Variants in MEGF10 observed in about 807,000 individuals in gnomAD.
The protein encoded by MEGF10 is multiple EGF like domains 10.
A neutral mutation model predicts 147.5 loss-of-function variants in MEGF10; 86 were observed. The ratio of observed to expected loss-of-function variants is 0.58; its 90% CI spans 0.49 to 0.70. The LOEUF is 0.70. MEGF10 is among the 30% of genes least tolerant of loss of function. The pLI, the probability that MEGF10 is intolerant of heterozygous loss-of-function variation, is 0.00. For synonymous variants in MEGF10, 478 were observed against 525.5 expected, an observed-to-expected ratio of 0.91 and a Z score of 1.24; for missense variants, 1,329 against 1,487.3, an observed-to-expected ratio of 0.89 and a Z score of 1.75.
intron 5 of MEGF10, among the ~76,000 whole-genome samples, chr5:127,372,075 A>G (rs1297772005): frequency 3.3e-5 from 5 of 152,218 alleles, no homozygotes; most frequent in African/African-American, 1.2e-4. Context: ...TAATTCTGGA[A>G]CCAAAATCTA....
the MEGF10 span, among the ~76,000 whole-genome samples, chr5:127,247,288 G>C: frequency 8.6e-6 from 1 of 116,012 alleles, no homozygotes; most frequent in African/African-American, 3.1e-5. Flanking sequence ...TGTGGTTGGG[G>C]GGTGGGGGAG....
the MEGF10 span, among the ~76,000 whole-genome samples, chr5:127,234,731 TG>T: frequency 3.9e-5 from 6 of 152,242 alleles, no homozygotes; most frequent in Non-Finnish European, 1.5e-5. Flanking sequence ...GCCAGTTCTT[TG>T]TTAAGTGTCT....
At chr5:127,301,623 G>A (rs778480893) in intron 1 of MEGF10, among the ~76,000 whole-genome samples, 3 of 152,146 alleles carry the variant, frequency 2.0e-5, no homozygotes, top group African/African-American at 4.8e-5. Flanking sequence ...ATGACAAACT[G>A]GGCTGGAATC....
intron 24 of MEGF10, among the ~76,000 whole-genome samples, chr5:127,456,247 A>T (rs560066726): frequency 1.8e-4 from 27 of 152,340 alleles, no homozygotes; most frequent in Non-Finnish European, 3.4e-4. Context: ...GAAACATTTT[A>T]CTTTTAAACT....
At chr5:127,307,337 G>C (rs1397918858) in intron 1 of MEGF10, among the ~76,000 whole-genome samples, 5 of 152,330 alleles carry the variant, frequency 3.3e-5, no homozygotes. Context: ...TGTCTGGGCT[G>C]TTGGGGTGCA....
chr5:127,453,130 C>T (rs1766220043), intron 22 of MEGF10, among the ~76,000 whole-genome samples: 1 of 152,210 alleles, frequency 6.6e-6, no homozygotes, highest in Non-Finnish European at 1.5e-5. Flanking sequence ...GATATCGTTT[C>T]CTTAACATTC....
At chr5:127,360,880 G>A (rs116396927) in intron 4 of MEGF10, among the ~76,000 whole-genome samples, 1,980 of 149,614 alleles carry the variant, frequency 0.013, 51 homozygotes, top group African/African-American at 0.048. Context: ...ATATATATAT[G>A]TTGGAACAAA....
chr5:127,397,716 G>T (rs1763971278), intron 6 of MEGF10, among the ~76,000 whole-genome samples: 1 of 152,154 alleles, frequency 6.6e-6, no homozygotes, highest in African/African-American at 2.4e-5. Context: ...TGTTAATATT[G>T]CTTTTATGGG....
chr5:127,247,233 A>C, the MEGF10 span, among the ~76,000 whole-genome samples: 2 of 146,292 alleles, frequency 1.4e-5, no homozygotes, highest in Non-Finnish European at 3.0e-5. Context: ...GAGAAAAAAA[A>C]ACTCACAGAA....
chr5:127,404,663 T>A (rs773785499), intron 8 of MEGF10, among the ~76,000 whole-genome samples: 57 of 152,088 alleles, frequency 3.7e-4, no homozygotes, highest in Non-Finnish European at 7.4e-5. Flanking sequence ...CAGAAGGTCA[T>A]AGTGATTGAA....
At chr5:127,247,403 A>AGAAGAAGAG in the MEGF10 span, among the ~76,000 whole-genome samples, 1 of 61,204 alleles carries the variant, frequency 1.6e-5, no homozygotes, top group East Asian at 3.6e-4. Flanking sequence ...AAGAAGAAGA[A>AGAAGAAGAG]GAAGAAGAAG....
At chr5:127,356,998 G>A (rs1352024531) in intron 4 of MEGF10, among the ~76,000 whole-genome samples, 1 of 152,092 alleles carries the variant, frequency 6.6e-6, no homozygotes, top group Non-Finnish European at 1.5e-5. Flanking sequence ...TACTTACTTG[G>A]AAAACACTGC....
At chr5:127,353,808 C>T (rs1344128413) in intron 4 of MEGF10, among the ~76,000 whole-genome samples, 3 of 152,152 alleles carry the variant, frequency 2.0e-5, no homozygotes, top group African/African-American at 7.2e-5. Context: ...CTAATGGGGG[C>T]GTCCAGGCAA....
At chr5:127,326,422 T>C (rs26945) in intron 1 of MEGF10, among the ~76,000 whole-genome samples, 68,815 of 152,050 alleles carry the variant, frequency 0.45, 17,470 homozygotes, top group Middle Eastern at 0.63. Context: ...TTAGAATAAC[T>C]AGCCTTGCTC....
At position 127,454,550 on chromosome 5, in the gene MEGF10, T is replaced by C. The variant is rs1480518625; in HGVS notation, c.2981-16T>C. 10 of 1,603,136 alleles carry C rather than the reference T, an allele frequency of 6.2e-6. No homozygotes were observed. The highest frequency in any genetic ancestry group is 2.2e-5 in the East Asian group (1 of 44,772). ...TTCAGTTCTCACTGGGTGTTTTTTTTCTTCCTTTATTACAGGTGCTTTTGG... is the reference window on the plus strand; with the variant it reads ...TTCAGTTCTCACTGGGTGTTTTTTTCCTTCCTTTATTACAGGTGCTTTTGG... On this transcript the variant is annotated splice_polypyrimidine_tract_variant and intron_variant, in intron 22 of 24. Coordinates refer to ENST00000503335, the MANE Select transcript of MEGF10 (RefSeq NM_001256545.2).
intron 9 of MEGF10, among the ~76,000 whole-genome samples, chr5:127,415,827 G>A (rs1274716156): frequency 6.7e-6 from 1 of 149,698 alleles, no homozygotes; most frequent in Non-Finnish European, 1.5e-5. Context: ...CACTTGAATG[G>A]TGGAGATTGT....
intron 1 of MEGF10, among the ~76,000 whole-genome samples, chr5:127,314,999 A>G (rs896040179): frequency 2.6e-5 from 4 of 152,138 alleles, no homozygotes; most frequent in Non-Finnish European, 5.9e-5. Flanking sequence ...TACTGCTATT[A>G]AAGACTTTGA....
At chr5:127,364,448 C>T (rs76676895) in intron 4 of MEGF10, among the ~76,000 whole-genome samples, 5,300 of 152,272 alleles carry the variant, frequency 0.035, 234 homozygotes, top group Middle Eastern at 0.11. Context: ...GATGGATCTA[C>T]ATCAGATTTC....
At chr5:127,387,792 C>A (rs1449909821) in intron 5 of MEGF10, among the ~76,000 whole-genome samples, 1 of 152,044 alleles carries the variant, frequency 6.6e-6, no homozygotes, top group Non-Finnish European at 1.5e-5. Flanking sequence ...GCATAATGTC[C>A]CTCATAATGT....
Sources: gnomAD v4.1 joint callset for allele counts (sites outside exome capture counted in the v4.1 genomes callset) on GRCh38, gnomAD v4.1.1 for gene constraint, MANE v1.5 for transcripts, NCBI Gene and HGNC (gene_info 2026-07-23, HGNC 2026-07-21) for gene names.